Variants in DISC1 observed in about 807,000 individuals in gnomAD.
The protein encoded by DISC1 is DISC1 scaffold protein.
Under a neutral mutation model 84.5 loss-of-function variants are expected in DISC1, and 57 were observed. That is an observed-to-expected ratio of 0.67 (90% confidence interval 0.55 to 0.84). DISC1 has a LOEUF of 0.84. Among genes scored for constraint, DISC1 ranks in the 40% least tolerant of loss-of-function variants. DISC1 has a pLI of 0.00. For synonymous variants in DISC1, 411 were observed against 415.2 expected, an observed-to-expected ratio of 0.99 and a Z score of 0.12; for missense variants, 1,000 against 1,057.8, an observed-to-expected ratio of 0.95 and a Z score of 0.76.
At chr1:231,915,522 G>A (rs747037246) in intron 9 of DISC1, among the ~76,000 whole-genome samples, 9 of 152,286 alleles carry the variant, frequency 5.9e-5, no homozygotes, top group African/African-American at 1.9e-4. Flanking sequence ...AGTGGCTCAC[G>A]CCTATAATCC....
chr1:232,009,428 ACAT>A lies in DISC1; in HGVS notation c.2307+380_2307+382del, dbSNP rs1667828122. 2.5e-5 allele frequency: 15 copies of A among 611,846 alleles called. No homozygotes were observed. In the East Asian group the frequency reaches 5.4e-4, roughly 22 times the overall value. The allele number at this position is 611,846 out of a possible 1,614,324, so 37.9% of individuals were successfully genotyped here. On this transcript the variant is annotated intron_variant, in intron 11 of 12. Coordinates refer to ENST00000439617, the MANE Select transcript of DISC1 (RefSeq NM_018662.3). This position sits in a 1 kb window ranked among gnomAD's most constrained non-coding sequence, Gnocchi z 4.6. ...ACATGATATTTAACATATATACTATACATTATGTATTGTATGTCATATATGATG... is the reference window on the plus strand; with the variant it reads ...ACATGATATTTAACATATATACTATATATGTATTGTATGTCATATATGATG...
rs1350978184 is a variant in DISC1, at chr1:231,630,222, C to T, written c.67+3288C>T. The stretch of plus-strand genomic sequence containing the variant: ...GGGATTACAGGCATGAGCCACTGCG[C>T]CGGGCCCTTTAAACAAGATTTAAAG... On this transcript the variant is annotated intron_variant, in intron 1 of 12. Coordinates refer to ENST00000439617, the MANE Select transcript of DISC1 (RefSeq NM_018662.3). This position sits in a 1 kb window ranked among gnomAD's most constrained non-coding sequence, Gnocchi z 4.4. Among the ~76,000 whole-genome samples the T allele has an allele frequency of 6.6e-6, 1 of 152,150 alleles. No homozygotes were observed. Among genetic ancestry groups the T allele is most frequent in the Non-Finnish European group, 1.5e-5 (1 of 68,026 alleles).
At chr1:231,892,455 G>T (rs545729418) in intron 9 of DISC1, among the ~76,000 whole-genome samples, 1 of 152,132 alleles carries the variant, frequency 6.6e-6, no homozygotes, top group Non-Finnish European at 1.5e-5. Context: ...TGAACCCTGT[G>T]GTGCCTTGGT....
At chr1:231,811,119 G>A (rs768233965) in intron 8 of DISC1, among the ~76,000 whole-genome samples, 1 of 152,178 alleles carries the variant, frequency 6.6e-6, no homozygotes, top group African/African-American at 2.4e-5. Context: ...TGAAATATAT[G>A]GCTGTCTGAA....
chr1:231,834,276 G>A (rs1677968395), intron 9 of DISC1, among the ~76,000 whole-genome samples: 1 of 151,926 alleles, frequency 6.6e-6, no homozygotes, highest in Non-Finnish European at 1.5e-5. Flanking sequence ...GACCTAGCTT[G>A]GCCTGGTGAG....
chr1:231,953,506 A>G (rs1465199722), intron 9 of DISC1, among the ~76,000 whole-genome samples: 1 of 152,106 alleles, frequency 6.6e-6, no homozygotes, highest in African/African-American at 2.4e-5. Flanking sequence ...TATCCGAACA[A>G]AGGTTCTTTC....
At chr1:231,801,442 A>G (rs1290063217) in intron 8 of DISC1, among the ~76,000 whole-genome samples, 1 of 152,208 alleles carries the variant, frequency 6.6e-6, no homozygotes, top group Non-Finnish European at 1.5e-5. Flanking sequence ...CAATGTGAAC[A>G]ATCTCTCTTC....
chr1:231,885,720 C>G (rs955350974), intron 9 of DISC1, among the ~76,000 whole-genome samples: 1 of 152,170 alleles, frequency 6.6e-6, no homozygotes, highest in Admixed American at 6.5e-5. Context: ...GAATGAGACT[C>G]TGAGGAATTT....
At chr1:231,819,784 C>T (rs368718323) in intron 9 of DISC1, among the ~76,000 whole-genome samples, 23 of 152,092 alleles carry the variant, frequency 1.5e-4, no homozygotes, top group African/African-American at 4.1e-4. Context: ...ATGGAAACTA[C>T]GGAATTTCTC....
intron 3 of DISC1, among the ~76,000 whole-genome samples, chr1:231,736,879 C>T (rs2072579239): frequency 6.6e-6 from 1 of 152,216 alleles, no homozygotes; most frequent in Non-Finnish European, 1.5e-5. Context: ...TTTTGTCATC[C>T]TGCAGACACA....
At chr1:231,828,416 C>G (rs2082008041) in intron 9 of DISC1, among the ~76,000 whole-genome samples, 1 of 152,260 alleles carries the variant, frequency 6.6e-6, no homozygotes, top group South Asian at 2.1e-4. Context: ...TGGCTGGATG[C>G]CAACTTCATG....
chr1:231,666,376 T>C (rs946771331), intron 1 of DISC1, among the ~76,000 whole-genome samples: 1 of 145,946 alleles, frequency 6.9e-6, no homozygotes, highest in Admixed American at 6.8e-5. Flanking sequence ...AAGACTAGGA[T>C]AATAAGGAGA....
intron 9 of DISC1, among the ~76,000 whole-genome samples, chr1:231,886,831 CTTT>C (rs2086796137): frequency 8.7e-6 from 1 of 114,888 alleles, no homozygotes; most frequent in Non-Finnish European, 1.8e-5. Context: ...TTCTTTCTTT[CTTT>C]CCTTCTTTCT....
Position 231,896,658 on chromosome 1 carries a change from T to C in DISC1, c.1982-62170T>C, listed in dbSNP as rs186743156. Among the ~76,000 whole-genome samples the C allele has an allele frequency of 8.3e-4, 126 of 152,250 alleles. 3 individuals carry two copies. The highest frequency in any genetic ancestry group is 7.8e-3 in the Admixed American group (119 of 15,290). On this transcript the variant is annotated intron_variant, in intron 9 of 12. Transcript: ENST00000439617. ...ATAAGTGGCTCAGGGACCCAAAATA[T>C]CTTCTGTGGTGACCCTTGCTTTAAA...
chr1:231,924,300 C>T (rs200396348), intron 9 of DISC1, among the ~76,000 whole-genome samples: 7 of 152,162 alleles, frequency 4.6e-5, no homozygotes, highest in East Asian at 1.9e-4. Flanking sequence ...TGGCCGAGCA[C>T]GAACAGCTGT....
chr1:231,862,580 C>G (rs1291601773), intron 9 of DISC1, among the ~76,000 whole-genome samples: 1 of 152,030 alleles, frequency 6.6e-6, no homozygotes, highest in East Asian at 1.9e-4. Context: ...AGGGTGGTAT[C>G]CAGACAACCC....
At chr1:231,886,757 TCC>T (rs2086711431) in intron 9 of DISC1, among the ~76,000 whole-genome samples, 4 of 97,258 alleles carry the variant, frequency 4.1e-5, no homozygotes, top group African/African-American at 7.7e-5. Context: ...CTTCCTTTCT[TCC>T]TTCCTTCCTT....
chr1:231,940,217 A>G (rs1188234503), intron 9 of DISC1, among the ~76,000 whole-genome samples: 1 of 151,820 alleles, frequency 6.6e-6, no homozygotes, highest in Non-Finnish European at 1.5e-5. Flanking sequence ...TCCCTGTGCA[A>G]TTCTCTCACC....
chr1:231,662,211 C>T (rs748130757), intron 1 of DISC1, among the ~76,000 whole-genome samples: 1 of 152,150 alleles, frequency 6.6e-6, no homozygotes. Flanking sequence ...GGAGGTCTCA[C>T]CCAGTCAGGT....
Sources: allele counts gnomAD v4.1 joint callset (sites outside exome capture counted in the v4.1 genomes callset), GRCh38; gene constraint gnomAD v4.1.1; non-coding constraint Gnocchi (gnomAD v3.1); transcripts MANE v1.5; gene names NCBI Gene and HGNC (gene_info 2026-07-23, HGNC 2026-07-21).